TSPEAR: variants seen among roughly 807,000 people sequenced by gnomAD.
The protein encoded by TSPEAR is thrombospondin type laminin G domain and EAR repeats, also known as thrombospondin-type laminin G domain and EAR repeat-containing protein.
A neutral mutation model predicts 71.6 loss-of-function variants in TSPEAR; 69 were observed. The observed-to-expected ratio is 0.96, with a 90% CI of 0.79 to 1.18. TSPEAR has a LOEUF of 1.18. TSPEAR is among the 50% of genes most tolerant of loss of function. TSPEAR has a pLI of 0.00. For missense variants in TSPEAR, 971 were observed against 894.9 expected (o/e 1.09, Z -1.09); for synonymous variants, 402 against 387.2 (o/e 1.04, Z -0.45).
chr21:44,510,893 G>A (rs2052351455), intron 9 of TSPEAR: 1 of 152,332 alleles, frequency 6.6e-6, no homozygotes, highest in Non-Finnish European at 1.5e-5. Context: ...CGGGGCCGGG[G>A]GCTGGCTGAG....
intron 1 of TSPEAR, among the ~76,000 whole-genome samples, chr21:44,587,980 C>T (rs975693827): frequency 1.3e-5 from 2 of 152,042 alleles, no homozygotes; most frequent in Admixed American, 1.3e-4. Flanking sequence ...ATTTCATGAC[C>T]AAGAATCCAA....
chr21:44,665,649 T>A (rs1425691016), intron 1 of TSPEAR, among the ~76,000 whole-genome samples: 2 of 152,230 alleles, frequency 1.3e-5, no homozygotes, highest in East Asian at 3.8e-4. Flanking sequence ...CAAGAAGTTC[T>A]TGGTAAATTA....
chr21:44,623,516 T>G lies in TSPEAR; in HGVS notation c.83-55511A>C, dbSNP rs1011423141. Among the ~76,000 whole-genome samples, 1 of 152,264 alleles carries G rather than the reference T, an allele frequency of 6.6e-6. No individual in the cohort carries two copies. Among genetic ancestry groups the G allele is most frequent in the African/African-American group, 2.4e-5 (1 of 41,472 alleles). On this transcript the variant is annotated intron_variant, in intron 1 of 11. Coordinates refer to ENST00000323084, the MANE Select transcript of TSPEAR (RefSeq NM_144991.3). The surrounding 1 kb of genome is among the most constrained non-coding windows in gnomAD (Gnocchi z 4.5). ...AGATTTCCCCATGTTGTCCTCCTTT[T>G]GTTACACTTCATTTCCTTTTCGACT... is the stretch of plus-strand genomic sequence containing the variant.
intron 1 of TSPEAR, among the ~76,000 whole-genome samples, chr21:44,645,878 G>A (rs1348993013): frequency 1.3e-5 from 2 of 151,554 alleles, no homozygotes; most frequent in African/African-American, 2.4e-5. Context: ...GGTGGCTCAC[G>A]CCTGTAATCC....
chr21:44,556,662 AG>A (rs1291943327), intron 2 of TSPEAR, among the ~76,000 whole-genome samples: 2 of 152,218 alleles, frequency 1.3e-5, no homozygotes, highest in Non-Finnish European at 2.9e-5. Context: ...ACTGCACTCC[AG>A]TCTGGGCAAC....
chr21:44,638,011 C>G, intron 1 of TSPEAR: 1 of 1,613,242 alleles, frequency 6.2e-7, no homozygotes, highest in Non-Finnish European at 8.5e-7. Context: ...ACCCTGTGTG[C>G]AAGTCCACCT....
At chr21:44,698,728 A>G (rs528737771) in intron 1 of TSPEAR, among the ~76,000 whole-genome samples, 1 of 152,230 alleles carries the variant, frequency 6.6e-6, no homozygotes, top group Non-Finnish European at 1.5e-5. Flanking sequence ...ACAAGCGTCC[A>G]GGCTCAGCTG....
intron 1 of TSPEAR, chr21:44,702,119 G>A: frequency 9.4e-7 from 1 of 1,063,184 alleles, no homozygotes; most frequent in East Asian, 2.6e-5. Context: ...CCCAGGAGAG[G>A]CAGCGTCCAC....
intron 1 of TSPEAR, 111 bp from the exon 2 acceptor site, chr21:44,568,116 A>G (rs975874679): frequency 7.3e-6 from 5 of 689,176 alleles, no homozygotes; most frequent in Non-Finnish European, 1.1e-5. Context: ...ACATAGCACT[A>G]TAGCCCCTAT....
At chr21:44,652,794 A>G (rs1446222181) in intron 1 of TSPEAR, among the ~76,000 whole-genome samples, 2 of 152,234 alleles carry the variant, frequency 1.3e-5, no homozygotes, top group East Asian at 3.9e-4. Context: ...ACACATTTTT[A>G]AATAGTTAAA....
intron 1 of TSPEAR, among the ~76,000 whole-genome samples, chr21:44,618,454 A>G (rs1208547862): frequency 7.9e-5 from 12 of 152,222 alleles, no homozygotes; most frequent in African/African-American, 4.8e-5. Flanking sequence ...AACAAACACT[A>G]CCTGGTAAAA....
intron 4 of TSPEAR, 103 bp from the exon 5 acceptor site, chr21:44,530,057 G>A (rs587680698): frequency 1.6e-5 from 20 of 1,230,434 alleles, no homozygotes; most frequent in African/African-American, 9.2e-5. Flanking sequence ...GAGGAGGCTC[G>A]GGTGGATGGA....
chr21:44,597,009 A>G (rs1555927687), intron 1 of TSPEAR, among the ~76,000 whole-genome samples: 1 of 152,132 alleles, frequency 6.6e-6, no homozygotes, highest in African/African-American at 2.4e-5. Flanking sequence ...TCGGTTTTTT[A>G]AATGGCTTCG....
At chr21:44,508,825 G>C in intron 10 of TSPEAR, 1 of 1,365,868 alleles carries the variant, frequency 7.3e-7, no homozygotes, top group South Asian at 1.2e-5. Flanking sequence ...CAGGCAGCGG[G>C]CACTCGAAGC....
At chr21:44,651,362 C>T (rs1187841948) in intron 1 of TSPEAR, among the ~76,000 whole-genome samples, 3 of 152,274 alleles carry the variant, frequency 2.0e-5, no homozygotes, top group Middle Eastern at 3.4e-3. Flanking sequence ...GGATGTGTGT[C>T]CTGTGGCCAC....
chr21:44,599,012 T>G (rs1555927956), intron 1 of TSPEAR, among the ~76,000 whole-genome samples: 1 of 152,222 alleles, frequency 6.6e-6, no homozygotes, highest in Non-Finnish European at 1.5e-5. Flanking sequence ...TCAACAGCTC[T>G]TTTAGGAGAG....
Position 44,543,752 on chromosome 21 carries a change from A to G in TSPEAR, c.304-9829T>C, listed in dbSNP as rs1328708739. 9.2e-5 allele frequency among the ~76,000 whole-genome samples: 14 copies of G among 152,324 alleles called. No individual in the cohort carries two copies. The East Asian group carries it at 2.7e-3, about 29-fold the overall frequency. ...CTGGGTGCCACCAGAAGCTAGAAGGAGCAAGGGCATATTCTCCCTTGGAGC... is the reference window on the plus strand; with the variant it reads ...CTGGGTGCCACCAGAAGCTAGAAGGGGCAAGGGCATATTCTCCCTTGGAGC... On this transcript the variant is annotated intron_variant, in intron 2 of 11. Transcript: ENST00000323084.
chr21:44,630,676 A>AGGAAGTGAAGG (rs112160116), intron 1 of TSPEAR, among the ~76,000 whole-genome samples: 60 of 151,598 alleles, frequency 4.0e-4, no homozygotes, highest in African/African-American at 1.3e-3. Context: ...AGGGGAAGGC[A>AGGAAGTGAAGG]GGAAGTGAAG....
At chr21:44,661,859 C>G (rs1555943723) in intron 1 of TSPEAR, among the ~76,000 whole-genome samples, 1 of 152,178 alleles carries the variant, frequency 6.6e-6, no homozygotes, top group African/African-American at 2.4e-5. Context: ...GGGGATGACG[C>G]TTAACCATTC....
Sources: gnomAD v4.1 joint callset for allele counts (sites outside exome capture counted in the v4.1 genomes callset) on GRCh38, gnomAD v4.1.1 for gene constraint, Gnocchi (gnomAD v3.1) non-coding constraint, MANE v1.5 for transcripts, NCBI Gene and HGNC (gene_info 2026-07-23, HGNC 2026-07-21) for gene names.